CEACAM21: variants seen among roughly 807,000 people sequenced by gnomAD.
CEACAM21 encodes cell adhesion molecule CEACAM21.
CEACAM21 carries 38 observed loss-of-function variants against 33.2 expected under a neutral mutation model. The ratio of observed to expected loss-of-function variants is 1.14; its 90% CI spans 0.88 to 1.50. The LOEUF (loss-of-function observed/expected upper bound fraction) is 1.50. Among genes scored for constraint, CEACAM21 ranks in the 40% most tolerant of loss-of-function variants. The pLI is 0.00. For missense variants in CEACAM21, 385 were observed against 364.6 expected, an observed-to-expected ratio of 1.06 and a Z score of -0.46; for synonymous variants, 156 against 143.0, an observed-to-expected ratio of 1.09 and a Z score of -0.65.
At chr19:41,553,490 C>T (rs1474903785) in intron 1 of CEACAM21, among the ~76,000 whole-genome samples, 1 of 152,026 alleles carries the variant, frequency 6.6e-6, no homozygotes, top group African/African-American at 2.4e-5. Context: ...CGAGGTGCAG[C>T]AAGAATAATT....
chr19:41,585,257 C>G (rs1178473341), intron 4 of CEACAM21, among the ~76,000 whole-genome samples, 186 bp from the exon 5 acceptor site: 1 of 152,136 alleles, frequency 6.6e-6, no homozygotes, highest in Non-Finnish European at 1.5e-5. Flanking sequence ...CTGGCCAGGA[C>G]AGATGTGGCT....
intron 1 of CEACAM21, among the ~76,000 whole-genome samples, chr19:41,559,935 G>A (rs2041775316): frequency 6.6e-6 from 1 of 152,150 alleles, no homozygotes; most frequent in South Asian, 2.1e-4. Context: ...GATCAGGCCT[G>A]TGAACAACGT....
intron 6 of CEACAM21, 176 bp from the exon 7 acceptor site, chr19:41,586,288 A>C: frequency 5.7e-6 from 3 of 524,188 alleles, no homozygotes; most frequent in Non-Finnish European, 3.6e-6. Context: ...AAGTTCAGGA[A>C]ACTGCAGTGA....
chr19:41,572,126 A>G (rs1207676643), upstream of CEACAM21, among the ~76,000 whole-genome samples: 3 of 152,216 alleles, frequency 2.0e-5, no homozygotes, highest in Non-Finnish European at 4.4e-5. Context: ...ACATAAAATC[A>G]ACATTGCCAG....
At position 41,579,529 on chromosome 19, in the gene CEACAM21, A is replaced by G. The variant is rs1412746931; in HGVS notation, c.601A>G (p.Ile201Val). The part of the protein sequence containing the change: ...KLSWFNHVLT[I>V]DPIRQEDAGE... ...GTCCTGGTTTAACCATGTGCTCACC[A>G]TAGACCCCATCAGGCAGGAGGACGC... Residue 201 changes from isoleucine to valine, a missense_variant, in exon 3 of 7, where the codon ATA becomes GTA. Coordinates refer to ENST00000401445, the MANE Select transcript of CEACAM21 (RefSeq NM_001098506.4). 17 of 1,613,238 alleles carry G rather than the reference A, an allele frequency of 1.1e-5. No homozygotes were observed. The highest frequency in any genetic ancestry group is 1.4e-5 in the Non-Finnish European group (16 of 1,179,592).
rs374770555 is a variant in CEACAM21 at position 41,577,790 on chromosome 19, G to A, written c.424+231G>A. On this transcript the variant is annotated intron_variant, in intron 2 of 6. Transcript: ENST00000401445. Reference sequence around the variant, plus strand: ...TACAGCAAGAAGGATAGTCTGATGCGGGAGATGCAGCGGGGGAAAATCAGT... The same window carrying A: ...TACAGCAAGAAGGATAGTCTGATGCAGGAGATGCAGCGGGGGAAAATCAGT... Among the ~76,000 whole-genome samples, 172 of 152,304 alleles carry A rather than the reference G, an allele frequency of 1.1e-3. 1 individual carries two copies. The highest frequency in any genetic ancestry group is 3.8e-3 in the African/African-American group (159 of 41,560).
chr19:41,572,908 C>T (rs116009735), upstream of CEACAM21, among the ~76,000 whole-genome samples: 386 of 152,296 alleles, frequency 2.5e-3, 1 homozygote, highest in African/African-American at 9.0e-3. Context: ...GTGCAGGACT[C>T]AGGGACCCTC....
intron 6 of CEACAM21, chr19:41,586,191 A>G: frequency 1.7e-6 from 1 of 571,748 alleles, no homozygotes; most frequent in South Asian, 1.9e-5. Flanking sequence ...GCTCTCATCT[A>G]TGAGGTGAGT....
At chr19:41,574,488 T>C (rs1167722259), upstream of CEACAM21, among the ~76,000 whole-genome samples, 2 of 152,076 alleles carry the variant, frequency 1.3e-5, no homozygotes, top group Non-Finnish European at 2.9e-5. Context: ...CTATTACAAC[T>C]GAATAATAAA....
At chr19:41,585,950 C>A in intron 6 of CEACAM21, 79 bp downstream of exon 6, 1 of 1,414,186 alleles carries the variant, frequency 7.1e-7, no homozygotes, top group Non-Finnish European at 9.9e-7. Flanking sequence ...TGTCAATCCC[C>A]AGCACAAACC....
chr19:41,568,619 A>T (rs1300532775), intron 2 of CEACAM21, among the ~76,000 whole-genome samples: 1 of 151,954 alleles, frequency 6.6e-6, no homozygotes, highest in Non-Finnish European at 1.5e-5. Flanking sequence ...TATTTCTGGG[A>T]TTTTTATTCT....
At chr19:41,576,464 G>A (rs1390473311) in intron 1 of CEACAM21, 126 bp downstream of exon 1, 32 of 1,055,198 alleles carry the variant, frequency 3.0e-5, no homozygotes, top group Middle Eastern at 2.2e-4. Flanking sequence ...GGGAGAGAGC[G>A]TCTAAGGAGA....
At chr19:41,563,445 C>T (rs1419272741) in intron 1 of CEACAM21, among the ~76,000 whole-genome samples, 1 of 152,202 alleles carries the variant, frequency 6.6e-6, no homozygotes, top group African/African-American at 2.4e-5. Flanking sequence ...GGAGGCGAGG[C>T]ACTCTGTAAC....
intron 1 of CEACAM21, chr19:41,550,763 C>T (rs1178312310): frequency 1.3e-5 from 2 of 152,044 alleles, no homozygotes; most frequent in Non-Finnish European, 2.9e-5. Flanking sequence ...CAGAGTGAGA[C>T]TCCGCTTCAA....
chr19:41,554,458 GAT>G (rs1363127223), intron 1 of CEACAM21, among the ~76,000 whole-genome samples: 3 of 151,942 alleles, frequency 2.0e-5, no homozygotes, highest in African/African-American at 7.3e-5. Context: ...TGTACACTGA[GAT>G]ATAGCAGAAT....
At chr19:41,556,084 G>T (rs180993615) in intron 1 of CEACAM21, among the ~76,000 whole-genome samples, 1 of 152,210 alleles carries the variant, frequency 6.6e-6, no homozygotes, top group East Asian at 1.9e-4. Flanking sequence ...CCCCCAAAAG[G>T]GGTGAGTGGG....
rs140615986 is a variant in CEACAM21, at chr19:41,580,212, T to C, written c.700+584T>C. Reference sequence around the variant, plus strand: ...TCAGATTCTAAATTGGCAGATGGGATTCCACCCTGTTTGGAAAAACTCAAA... The same window carrying C: ...TCAGATTCTAAATTGGCAGATGGGACTCCACCCTGTTTGGAAAAACTCAAA... On this transcript the variant is annotated intron_variant, in intron 3 of 6. Transcript: ENST00000401445. 2.6e-3 allele frequency among the ~76,000 whole-genome samples: 402 copies of C among 152,242 alleles called. 2 individuals carry two copies. The highest frequency in any genetic ancestry group is 8.0e-3 in the African/African-American group (334 of 41,526).
intron 2 of CEACAM21, among the ~76,000 whole-genome samples, chr19:41,568,991 A>C (rs1012631947): frequency 6.6e-6 from 1 of 152,156 alleles, no homozygotes; most frequent in Non-Finnish European, 1.5e-5. Flanking sequence ...AATGTTTTAC[A>C]GTTTTCATTA....
upstream of CEACAM21, among the ~76,000 whole-genome samples, chr19:41,575,507 T>C (rs1432052683): frequency 1.3e-5 from 2 of 152,144 alleles, no homozygotes; most frequent in Non-Finnish European, 2.9e-5. Context: ...AAAATATATG[T>C]ATTTGCAAAG....
Sources: allele counts gnomAD v4.1 joint callset (sites outside exome capture counted in the v4.1 genomes callset), GRCh38; gene constraint gnomAD v4.1.1; transcripts MANE v1.5; gene names NCBI Gene and HGNC (gene_info 2026-07-23, HGNC 2026-07-21).